The following TRPV5 variants were observed in gnomAD, a reference collection of about 807,000 sequenced individuals.
The protein encoded by TRPV5 is calcium transport protein 2.
A neutral mutation model predicts 74.1 loss-of-function variants in TRPV5; 66 were observed. That is an observed-to-expected ratio of 0.89 (90% CI 0.73 to 1.09). TRPV5 has a LOEUF of 1.09. Ranked by LOEUF, TRPV5 falls within the 50% of genes least tolerant of loss-of-function variation. The probability of loss-of-function intolerance (pLI) is 0.00; values close to 1 mark genes in which losing one functional copy is unlikely to be tolerated. For synonymous variants in TRPV5, 399 were observed against 360.7 expected (o/e 1.11, Z -1.20); for missense variants, 936 against 930.4 (o/e 1.01, Z -0.08).
intron 8 of TRPV5, among the ~76,000 whole-genome samples, chr7:142,924,178 T>C (rs1382814484): frequency 6.7e-6 from 1 of 149,348 alleles, no homozygotes; most frequent in African/African-American, 2.5e-5. Context: ...CAGCAAGACC[T>C]ACTTGGTGAG....
At chr7:142,914,770 C>T (rs377664392) in intron 11 of TRPV5, 64 bp from the exon 12 acceptor site, 26 of 1,607,588 alleles carry the variant, frequency 1.6e-5, no homozygotes, top group South Asian at 6.6e-5. Context: ...GAGCAGCTAA[C>T]GCTAACAGAT....
intron 2 of TRPV5, 51 bp from the exon 3 acceptor site, chr7:142,930,231 G>C: frequency 6.2e-7 from 1 of 1,607,942 alleles, no homozygotes; most frequent in Non-Finnish European, 8.5e-7. Context: ...TTCCCTTGAG[G>C]AAGGGGCCTC....
At chr7:142,913,481 T>C (rs894238044) in intron 12 of TRPV5, among the ~76,000 whole-genome samples, 2 of 152,234 alleles carry the variant, frequency 1.3e-5, no homozygotes, top group Non-Finnish European at 2.9e-5. Flanking sequence ...TAGAGAGTTC[T>C]GGATAGAGGA....
At chr7:142,913,977 T>C (rs536365207) in intron 12 of TRPV5, among the ~76,000 whole-genome samples, 1 of 152,276 alleles carries the variant, frequency 6.6e-6, no homozygotes, top group East Asian at 1.9e-4. Flanking sequence ...TCCACCTGCC[T>C]GTGTTTTCCT....
chr7:142,919,647 T>G (rs553463899), intron 8 of TRPV5, among the ~76,000 whole-genome samples: 4 of 152,326 alleles, frequency 2.6e-5, no homozygotes, highest in Admixed American at 2.6e-4. Flanking sequence ...TTTAATGAGC[T>G]TTCAACAACC....
intron 8 of TRPV5, among the ~76,000 whole-genome samples, chr7:142,924,134 T>C (rs1186924313): frequency 6.6e-6 from 1 of 151,358 alleles, no homozygotes; most frequent in Non-Finnish European, 1.5e-5. Flanking sequence ...CTGCTTCCAG[T>C]GTCTCTAACA....
intron 7 of TRPV5, among the ~76,000 whole-genome samples, chr7:142,927,685 A>G (rs1401880415): frequency 6.6e-6 from 1 of 152,174 alleles, no homozygotes; most frequent in Non-Finnish European, 1.5e-5. Flanking sequence ...GAACATCAAG[A>G]GGGAAGTCTG....
In TRPV5 at chr7:142,930,201, G is replaced by A. The variant is rs199823405; in HGVS notation, c.227-21C>T. 165 of 1,610,252 alleles carry A rather than the reference G, an allele frequency of 1.0e-4. No homozygotes were observed. The African/African-American group carries it at 1.8e-3, about 18-fold the overall frequency. ...GGCTCCTGGATTGGAGTAAGACAGA[G>A]ATGTTAGACACTTTTCAGATTCCCT... On this transcript the variant is annotated intron_variant, in intron 2 of 14. Coordinates refer to ENST00000265310, the MANE Select transcript of TRPV5 (RefSeq NM_019841.7).
chr7:142,931,875 T>A (rs189029862), intron 1 of TRPV5, among the ~76,000 whole-genome samples: 1 of 152,072 alleles, frequency 6.6e-6, no homozygotes, highest in Non-Finnish European at 1.5e-5. Flanking sequence ...CTAGTTTTTT[T>A]ATTTTTGGTA....
In TRPV5 at chr7:142,912,734, G is replaced by C; in HGVS notation, c.1536C>G (p.Phe512Leu). Residue 512 changes from phenylalanine (F) to leucine (L), a missense_variant, in exon 13 of 15, where the codon TTC (phenylalanine) becomes TTG (leucine). Physicochemically the swap from Phe to Leu is conservative, Grantham distance 22 (BLOSUM62 0). Coordinates refer to ENST00000265310, the MANE Select transcript of TRPV5 (RefSeq NM_019841.7). ...LGFASAFYII[F>L]QTEDPTSLGQ... The stretch of plus-strand genomic sequence containing the variant: ...CCAGACTGGTTGGGTCCTCTGTCTG[G>C]AAAATGATATAGAACGCTGCTCCGC... 6.2e-7 allele frequency: 1 copy of C among 1,614,074 alleles called. No homozygotes were observed. Among genetic ancestry groups the C allele is most frequent in the Non-Finnish European group, 8.5e-7 (1 of 1,179,926 alleles).
chr7:142,924,556 T>C (rs541347112), intron 8 of TRPV5, among the ~76,000 whole-genome samples: 1 of 151,790 alleles, frequency 6.6e-6, no homozygotes, highest in South Asian at 2.1e-4. Context: ...CTATAGAAAG[T>C]TTATATTCTC....
chr7:142,926,230 C>A (rs1339444388), intron 7 of TRPV5, among the ~76,000 whole-genome samples: 1 of 152,078 alleles, frequency 6.6e-6, no homozygotes, highest in South Asian at 2.1e-4. Context: ...TAACAGAAAG[C>A]AACTGGGGAG....
intron 1 of TRPV5, among the ~76,000 whole-genome samples, chr7:142,931,771 G>A (rs1439961981): frequency 2.6e-5 from 4 of 151,972 alleles, no homozygotes; most frequent in Admixed American, 6.6e-5. Flanking sequence ...GTGCGATCTC[G>A]GCTCACTGCA....
Position 142,908,223 on chromosome 7 carries a change from T to C in TRPV5, c.*291A>G, listed in dbSNP as rs963470995. ...GCTGCGTGGGGCAGAAGAGAAATGG[T>C]CCTGACATTAATCTAGCATCCCTGC... On this transcript the variant is annotated 3_prime_UTR_variant, in exon 15 of 15. Coordinates refer to ENST00000265310, the MANE Select transcript of TRPV5 (RefSeq NM_019841.7). The C allele has an allele frequency of 2.0e-6, 1 of 499,450 alleles. No homozygotes were observed. Among genetic ancestry groups the C allele is most frequent in the African/African-American group, 1.9e-5 (1 of 52,232 alleles). 30.9% of individuals were successfully genotyped at this position (499,450 alleles called of 1,614,324 possible).
chr7:142,929,910 C>T (rs529582069), intron 3 of TRPV5, 148 bp downstream of exon 3: 16 of 1,301,682 alleles, frequency 1.2e-5, no homozygotes, highest in Middle Eastern at 1.8e-4. Flanking sequence ...AGACCAGGAC[C>T]TTTGCATTTC....
chr7:142,929,570 C>T lies in TRPV5; in HGVS notation c.350-5G>A, dbSNP rs770738786. On this transcript the variant is annotated splice_polypyrimidine_tract_variant and splice_region_variant and intron_variant, in intron 3 of 14. Coordinates refer to ENST00000265310, the MANE Select transcript of TRPV5 (RefSeq NM_019841.7). ...CGATGTGCAGTGCAGTCTGACCTGG[C>T]CCAGAGACAGCCATCATCAGGGTCT... 2 of 1,611,324 alleles carry T rather than the reference C, an allele frequency of 1.2e-6. No homozygotes were observed. The highest frequency in any genetic ancestry group is 2.2e-5 in the South Asian group (2 of 91,036).
intron 8 of TRPV5, among the ~76,000 whole-genome samples, chr7:142,917,461 G>C (rs915312654): frequency 6.6e-6 from 1 of 152,102 alleles, no homozygotes; most frequent in Non-Finnish European, 1.5e-5. Flanking sequence ...ATAAGTTGGC[G>C]AGGATGGCTG....
rs377258108 is a variant in TRPV5 at position 142,933,427 on chromosome 7, G to A, written c.33C>T (p.Pro11=). The A allele has an allele frequency of 4.2e-4, 682 of 1,614,042 alleles. No homozygotes were observed. The highest frequency in any genetic ancestry group is 5.4e-4 in the Non-Finnish European group (640 of 1,179,990). The part of the protein sequence containing the change: MGGFLPKAEG[P]GSQLQKLLPS... ...GCAGAAGTTTCTGGAGTTGGCTCCC[G>A]GGCCCTTCTGCCTTAGGTAGAAAAC... Residue 11 remains proline (P), a synonymous_variant, in exon 1 of 15, where the codon CCC becomes CCT. Coordinates refer to ENST00000265310, the MANE Select transcript of TRPV5 (RefSeq NM_019841.7).
At chr7:142,915,711 C>T (rs1795784946) in intron 8 of TRPV5, 143 bp from the exon 9 acceptor site, 1 of 724,388 alleles carries the variant, frequency 1.4e-6, no homozygotes, top group Non-Finnish European at 2.2e-6. Context: ...ATTGTACTTG[C>T]CATTGTGGGT....
Sources: gnomAD v4.1 joint callset for allele counts (sites outside exome capture counted in the v4.1 genomes callset) on GRCh38, gnomAD v4.1.1 for gene constraint, MANE v1.5 for transcripts, NCBI Gene and HGNC (gene_info 2026-07-23, HGNC 2026-07-21) for gene names.